NT5DC1: variants seen among roughly 807,000 people sequenced by gnomAD.
NT5DC1 encodes 5'-nucleotidase domain containing 1, also known as 5'-nucleotidase domain-containing protein 1.
Under a neutral mutation model 59.4 loss-of-function variants are expected in NT5DC1, and 42 were observed. The ratio of observed to expected loss-of-function variants is 0.71; its 90% CI spans 0.55 to 0.92. The LOEUF (loss-of-function observed/expected upper bound fraction) is 0.92. NT5DC1 is among the 40% of genes least tolerant of loss of function. The pLI, the probability that NT5DC1 is intolerant of heterozygous loss-of-function variation, is 0.00. For synonymous variants in NT5DC1, 172 were observed against 188.1 expected (o/e 0.91, Z 0.70); for missense variants, 501 against 537.1 (o/e 0.93, Z 0.66).
At chr6:116,217,839 T>C (rs1291107372) in intron 6 of NT5DC1, among the ~76,000 whole-genome samples, 2 of 152,202 alleles carry the variant, frequency 1.3e-5, no homozygotes, top group Non-Finnish European at 2.9e-5. Flanking sequence ...TAATCCATTG[T>C]AGTATGTTTA....
chr6:116,111,405 G>C (rs1778872630), intron 4 of NT5DC1, among the ~76,000 whole-genome samples: 2 of 152,206 alleles, frequency 1.3e-5, no homozygotes, highest in African/African-American at 4.8e-5. Context: ...CTGTTTTCCA[G>C]ATGATTTTAA....
intron 6 of NT5DC1, among the ~76,000 whole-genome samples, chr6:116,203,163 A>G (rs999881918): frequency 3.3e-5 from 5 of 152,116 alleles, no homozygotes; most frequent in Middle Eastern, 3.4e-3. Flanking sequence ...TTTCTATACT[A>G]AACAGTTTTA....
In NT5DC1 at chr6:116,125,602, A is replaced by T. The variant is rs896474768; in HGVS notation, c.529+7657A>T. The T allele has an allele frequency of 2.7e-6, 3 of 1,095,738 alleles. No individual in the cohort carries two copies. In the African/African-American group the frequency reaches 4.7e-5, roughly 17 times the overall value. The allele number at this position is 1,095,738 out of a possible 1,614,324, so 67.9% of individuals were successfully genotyped here. ...AGATGAGTTCTTTATACAGTTATCT[A>T]CTTTTTTAACCTATCCTATATATTT... On this transcript the variant is annotated intron_variant, in intron 6 of 11. Transcript: ENST00000319550.
At chr6:116,127,729 G>A (rs1156822451) in intron 6 of NT5DC1, among the ~76,000 whole-genome samples, 3 of 152,076 alleles carry the variant, frequency 2.0e-5, no homozygotes, top group African/African-American at 7.2e-5. Flanking sequence ...TATTTTGTGT[G>A]TATATATGGT....
chr6:116,203,178 A>G (rs181157016), intron 6 of NT5DC1, among the ~76,000 whole-genome samples: 1 of 152,074 alleles, frequency 6.6e-6, no homozygotes, highest in East Asian at 1.9e-4. Context: ...GTTTTACAGT[A>G]TTGTATTAGA....
At chr6:116,226,600 A>G (rs1386572960) in intron 8 of NT5DC1, among the ~76,000 whole-genome samples, 2 of 152,040 alleles carry the variant, frequency 1.3e-5, no homozygotes, top group Admixed American at 1.3e-4. Context: ...GTATAGTACA[A>G]TTGGATTTGA....
Position 116,135,052 on chromosome 6 carries a change from T to C in NT5DC1, c.529+17107T>C, listed in dbSNP as rs147762999. On this transcript the variant is annotated intron_variant, in intron 6 of 11. Transcript: ENST00000319550. ...TTATCTTTTACTCATCTGTACCCCA[T>C]TTACTTATTGATACATTGATTTATT... is the stretch of plus-strand genomic sequence containing the variant. Among the ~76,000 whole-genome samples, 460 of 152,314 alleles carry C rather than the reference T, an allele frequency of 3.0e-3. 2 individuals carry two copies. The highest frequency in any genetic ancestry group is 0.01 in the African/African-American group (435 of 41,588).
intron 6 of NT5DC1, among the ~76,000 whole-genome samples, chr6:116,193,339 C>CT (rs1014155683): frequency 6.6e-6 from 1 of 152,004 alleles, no homozygotes; most frequent in Non-Finnish European, 1.5e-5. Flanking sequence ...GGATGTTTTA[C>CT]TTTTAAACAA....
chr6:116,125,619 T>G (rs1233588182), intron 6 of NT5DC1: 10 of 858,648 alleles, frequency 1.2e-5, no homozygotes, highest in Non-Finnish European at 1.8e-5. Flanking sequence ...TAACCTATCC[T>G]ATATATTTTT....
At position 116,238,179 on chromosome 6, in the gene NT5DC1, T is replaced by C. The variant is rs1562177481; in HGVS notation, c.922-8T>C. 6.2e-7 allele frequency: 1 copy of C among 1,604,056 alleles called. No homozygotes were observed. Among genetic ancestry groups the C allele is most frequent in the Non-Finnish European group, 8.5e-7 (1 of 1,174,438 alleles). On this transcript the variant is annotated splice_region_variant and splice_polypyrimidine_tract_variant and intron_variant, in intron 9 of 11. Transcript: ENST00000319550. ...TGCCTCAAACAGCATCTGCTATCTG[T>C]CTTACAGGTTGTTTATTTTGGTGAC...
At chr6:116,151,536 A>G (rs1354724080) in intron 6 of NT5DC1, among the ~76,000 whole-genome samples, 1 of 152,228 alleles carries the variant, frequency 6.6e-6, no homozygotes, top group Non-Finnish European at 1.5e-5. Context: ...ATTCGTTAAT[A>G]TAAGACTATT....
At position 116,245,806 on chromosome 6, in the gene NT5DC1, A is replaced by C. The variant is rs201857846; in HGVS notation, c.*1782A>C. 1 of 151,950 alleles carries C rather than the reference A, an allele frequency of 6.6e-6. No individual in the cohort carries two copies. Among genetic ancestry groups the C allele is most frequent in the African/African-American group, 2.4e-5 (1 of 41,410 alleles). 9.4% of individuals were successfully genotyped at this position (151,950 alleles called of 1,614,324 possible). A position where few individuals can be genotyped will look rare whatever the true frequency, so the allele number is the denominator to read the frequency against. Reference sequence around the variant, plus strand: ...ATAACTGCACTTTTTGGGCCACTTGAGTAGTGGCGGGGGTTCAGGAGGCAG... The same window carrying C: ...ATAACTGCACTTTTTGGGCCACTTGCGTAGTGGCGGGGGTTCAGGAGGCAG... On this transcript the variant is annotated 3_prime_UTR_variant, in exon 12 of 12. Coordinates refer to ENST00000319550, the MANE Select transcript of NT5DC1 (RefSeq NM_152729.3).
At chr6:116,205,143 C>T (rs1781426094) in intron 6 of NT5DC1, among the ~76,000 whole-genome samples, 1 of 151,912 alleles carries the variant, frequency 6.6e-6, no homozygotes, top group African/African-American at 2.4e-5. Context: ...ACCCCTTCCT[C>T]ATCCCTCTTT....
At chr6:116,159,281 CA>C (rs1316145481) in intron 6 of NT5DC1, among the ~76,000 whole-genome samples, 1 of 152,034 alleles carries the variant, frequency 6.6e-6, no homozygotes, top group African/African-American at 2.4e-5. Flanking sequence ...TTATTCTTAT[CA>C]AAAACCAGAG....
intron 6 of NT5DC1, among the ~76,000 whole-genome samples, chr6:116,165,215 A>G (rs1346200253): frequency 1.3e-5 from 2 of 151,570 alleles, no homozygotes; most frequent in African/African-American, 4.9e-5. Flanking sequence ...TGTTAGTCTG[A>G]TAGGATTTCC....
rs749171913 is a variant in NT5DC1 at position 116,110,951 on chromosome 6, G to A, written c.359G>A (p.Arg120His). 15 of 1,604,106 alleles carry A rather than the reference G, an allele frequency of 9.4e-6. No individual in the cohort carries two copies. In the Admixed American group the frequency reaches 1.2e-4, roughly 12 times the overall value. The change falls in exon 4 of 12, where the codon CGC becomes CAC. Residue 120 changes from arginine (R) to histidine (H), a missense_variant. Physicochemically the swap from Arg to His is conservative, Grantham distance 29. Coordinates refer to ENST00000319550, the MANE Select transcript of NT5DC1 (RefSeq NM_152729.3). ...HFLSDTGMAC[R>H]SGKYYFYDNY... ...TTGTCGGACACTGGAATGGCTTGCCGCTCAGGTATGACTCAAATGAGGCAG... is the reference window on the plus strand; with the variant it reads ...TTGTCGGACACTGGAATGGCTTGCCACTCAGGTATGACTCAAATGAGGCAG...
At chr6:116,142,599 TC>T (rs1779795808) in intron 6 of NT5DC1, among the ~76,000 whole-genome samples, 1 of 152,176 alleles carries the variant, frequency 6.6e-6, no homozygotes, top group African/African-American at 2.4e-5. Flanking sequence ...CTGTGTTTTT[TC>T]CTTAGAGTCA....
At chr6:116,154,884 A>G (rs1165315197) in intron 6 of NT5DC1, among the ~76,000 whole-genome samples, 1 of 152,206 alleles carries the variant, frequency 6.6e-6, no homozygotes, top group Non-Finnish European at 1.5e-5. Flanking sequence ...AATTGTTTTA[A>G]TATCATTTTT....
intron 6 of NT5DC1, among the ~76,000 whole-genome samples, chr6:116,217,293 GTT>G (rs1327940654): frequency 1.3e-5 from 2 of 152,070 alleles, no homozygotes; most frequent in Non-Finnish European, 2.9e-5. Context: ...ACATTAACCA[GTT>G]TTTTTAACAT....
Sources: gnomAD v4.1 joint callset for allele counts (sites outside exome capture counted in the v4.1 genomes callset) on GRCh38, gnomAD v4.1.1 for gene constraint, MANE v1.5 for transcripts, NCBI Gene and HGNC (gene_info 2026-07-23, HGNC 2026-07-21) for gene names.